Variants in SHISA6 observed in about 807,000 individuals in gnomAD.
SHISA6 encodes protein shisa-6.
SHISA6 carries 22 observed loss-of-function variants against 47.9 expected under a neutral mutation model. That is an observed-to-expected ratio of 0.46 (90% CI 0.33 to 0.66). The LOEUF is 0.66. Among genes scored for constraint, SHISA6 ranks in the 30% least tolerant of loss-of-function variants. The pLI is 0.02. For synonymous variants in SHISA6, 388 were observed against 337.8 expected, an observed-to-expected ratio of 1.15 and a Z score of -1.63; for missense variants, 680 against 764.6, an observed-to-expected ratio of 0.89 and a Z score of 1.30.
chr17:11,449,758 G>A (rs74842523), intron 3 of SHISA6, among the ~76,000 whole-genome samples: 7,534 of 152,310 alleles, frequency 0.049, 225 homozygotes, highest in Middle Eastern at 0.085. Context: ...GGCTCCAAGG[G>A]AAAATCTGCC....
intron 2 of SHISA6, among the ~76,000 whole-genome samples, chr17:11,268,946 A>G (rs1048115818): frequency 6.6e-6 from 1 of 152,050 alleles, no homozygotes; most frequent in African/African-American, 2.4e-5. Flanking sequence ...TAAAGTAAGT[A>G]TGGTGTCCGT....
At chr17:11,349,199 T>A (rs1911791320) in intron 2 of SHISA6, among the ~76,000 whole-genome samples, 1 of 152,154 alleles carries the variant, frequency 6.6e-6, no homozygotes, top group South Asian at 2.1e-4. Flanking sequence ...CCACATAAAT[T>A]TACCATTCCA....
chr17:11,397,134 CAT>C (rs748122972), intron 3 of SHISA6, among the ~76,000 whole-genome samples: 2 of 152,054 alleles, frequency 1.3e-5, no homozygotes, highest in Non-Finnish European at 2.9e-5. Flanking sequence ...GGTAGATTTT[CAT>C]ATGTTTTTTT....
chr17:11,518,432 G>A (rs73286868), intron 3 of SHISA6, among the ~76,000 whole-genome samples: 1 of 152,038 alleles, frequency 6.6e-6, no homozygotes, highest in South Asian at 2.1e-4. Context: ...ACTTTAACAT[G>A]TTGGGCCAGG....
At chr17:11,347,243 A>G (rs1483262815) in intron 2 of SHISA6, among the ~76,000 whole-genome samples, 1 of 152,188 alleles carries the variant, frequency 6.6e-6, no homozygotes, top group Non-Finnish European at 1.5e-5. Flanking sequence ...AAGGATATCT[A>G]CATTGACAAG....
intron 2 of SHISA6, among the ~76,000 whole-genome samples, chr17:11,273,666 C>A (rs1485686155): frequency 1.3e-5 from 2 of 152,170 alleles, no homozygotes; most frequent in African/African-American, 4.8e-5. Flanking sequence ...TCATAGTCCT[C>A]GTGTAGGCAG....
intron 3 of SHISA6, among the ~76,000 whole-genome samples, chr17:11,455,059 C>T (rs1915499922): frequency 6.6e-6 from 1 of 152,088 alleles, no homozygotes; most frequent in Non-Finnish European, 1.5e-5. Flanking sequence ...GTCCAAGCCA[C>T]TCCAGAGGCT....
intron 3 of SHISA6, among the ~76,000 whole-genome samples, chr17:11,515,452 A>G (rs923541197): frequency 6.6e-6 from 1 of 151,996 alleles, no homozygotes; most frequent in Admixed American, 6.5e-5. Flanking sequence ...CGGGTTTCTT[A>G]GAAGTTGAGC....
intron 3 of SHISA6, among the ~76,000 whole-genome samples, chr17:11,475,194 TC>T (rs1916024016): frequency 6.6e-6 from 1 of 152,168 alleles, no homozygotes; most frequent in African/African-American, 2.4e-5. Context: ...TTGAATCTTC[TC>T]AATTTTCTAT....
At chr17:11,419,590 A>T (rs1353876883) in intron 3 of SHISA6, among the ~76,000 whole-genome samples, 1 of 152,226 alleles carries the variant, frequency 6.6e-6, no homozygotes, top group Admixed American at 6.5e-5. Flanking sequence ...TAAAAACAGC[A>T]TGCAAAGATT....
chr17:11,349,593 C>T (rs1597469811), intron 2 of SHISA6, among the ~76,000 whole-genome samples: 1 of 152,234 alleles, frequency 6.6e-6, no homozygotes, highest in East Asian at 1.9e-4. Flanking sequence ...AGTTCTGTAG[C>T]TGAGCAGCCA....
At chr17:11,462,905 G>A (rs140928581) in intron 3 of SHISA6, among the ~76,000 whole-genome samples, 232 of 152,322 alleles carry the variant, frequency 1.5e-3, no homozygotes, top group African/African-American at 5.4e-3. Context: ...TGGGATTATA[G>A]CGTGTTATCC....
chr17:11,300,313 A>G (rs1300282000), intron 2 of SHISA6, among the ~76,000 whole-genome samples: 1 of 152,094 alleles, frequency 6.6e-6, no homozygotes, highest in East Asian at 1.9e-4. Context: ...CCTGGGCACC[A>G]CTGTGCCGTA....
At chr17:11,491,528 T>A (rs1916476638) in intron 3 of SHISA6, among the ~76,000 whole-genome samples, 1 of 152,110 alleles carries the variant, frequency 6.6e-6, no homozygotes, top group East Asian at 1.9e-4. Flanking sequence ...GGTCTCGAAC[T>A]CCTGGCCTCA....
At chr17:11,465,110 C>T (rs1427198205) in intron 3 of SHISA6, among the ~76,000 whole-genome samples, 1 of 152,204 alleles carries the variant, frequency 6.6e-6, no homozygotes, top group African/African-American at 2.4e-5. Context: ...CCTCAACTGA[C>T]TGTCCCAGCT....
intron 2 of SHISA6, among the ~76,000 whole-genome samples, chr17:11,304,261 C>T (rs1036902977): frequency 1.3e-5 from 2 of 152,156 alleles, no homozygotes; most frequent in Non-Finnish European, 2.9e-5. Context: ...GGGGAGGTGG[C>T]CGGGTGGCAG....
At chr17:11,256,388 C>T (rs1050269527) in intron 1 of SHISA6, among the ~76,000 whole-genome samples, 6 of 152,090 alleles carry the variant, frequency 3.9e-5, no homozygotes, top group African/African-American at 1.4e-4. Flanking sequence ...CCCAGCTACT[C>T]GGGAAGCTGA....
rs534753654 is a variant in SHISA6 at position 11,313,641 on chromosome 17, G to A, written c.799+50115G>A. ...TTGGGAAGCCCTCCCTGGGGAGGCG[G>A]CATTTAAGCAGGGATTTGAAGGGTA... On this transcript the variant is annotated intron_variant, in intron 2 of 5. Transcript: ENST00000441885. Among the ~76,000 whole-genome samples the A allele has an allele frequency of 1.5e-3, 231 of 152,270 alleles. 1 individual carries two copies. Among genetic ancestry groups the A allele is most frequent in the Middle Eastern group, 6.8e-3 (2 of 294 alleles).
intron 3 of SHISA6, among the ~76,000 whole-genome samples, chr17:11,477,026 C>G (rs1916067812): frequency 6.6e-6 from 1 of 152,094 alleles, no homozygotes; most frequent in South Asian, 2.1e-4. Context: ...GTTCTTTATT[C>G]CAGATAACAT....
Sources: allele counts gnomAD v4.1 joint callset (sites outside exome capture counted in the v4.1 genomes callset), GRCh38; gene constraint gnomAD v4.1.1; transcripts MANE v1.5; gene names NCBI Gene and HGNC (gene_info 2026-07-23, HGNC 2026-07-21).